GAS2L3: variants seen among roughly 807,000 people sequenced by gnomAD.
GAS2L3 encodes GAS2-like protein 3.
Under a neutral mutation model 37.0 loss-of-function variants are expected in GAS2L3, and 28 were observed. That is an observed-to-expected ratio of 0.76 (90% CI 0.56 to 1.04). The LOEUF is 1.04. Among genes scored for constraint, GAS2L3 ranks in the 50% least tolerant of loss-of-function variants. GAS2L3 has a pLI of 0.00. For missense variants in GAS2L3, 793 were observed against 817.6 expected, an observed-to-expected ratio of 0.97 and a Z score of 0.37; for synonymous variants, 290 against 296.6, an observed-to-expected ratio of 0.98 and a Z score of 0.23.
At position 100,625,087 on chromosome 12, in the gene GAS2L3, T is replaced by C. The variant is rs1457246625; in HGVS notation, c.*197T>C. The C allele has an allele frequency of 8.5e-6, 4 of 471,192 alleles. No individual in the cohort carries two copies. In the Admixed American group the frequency reaches 1.1e-4, roughly 13 times the overall value. The allele number at this position is 471,192 out of a possible 1,614,324, so 29.2% of individuals were successfully genotyped here. On this transcript the variant is annotated 3_prime_UTR_variant, in exon 10 of 10. Coordinates refer to ENST00000547754, the MANE Select transcript of GAS2L3 (RefSeq NM_174942.3). ...GAAAGAGCCCTTCTGAAGCAAACAG[T>C]TGTAAAATCACTGCAAGGTTTTTAT...
chr12:100,578,935 G>A (rs1427078103), intron 1 of GAS2L3: 5 of 916,548 alleles, frequency 5.5e-6, no homozygotes, highest in Non-Finnish European at 8.9e-6. Flanking sequence ...TTGGAAGAGG[G>A]GATAAGGTTA....
At chr12:100,593,643 C>T (rs1955873587) in intron 2 of GAS2L3, 1 of 152,072 alleles carries the variant, frequency 6.6e-6, no homozygotes, top group East Asian at 1.9e-4. Context: ...TTAATAGGAG[C>T]AGCTTCTTTG....
At chr12:100,595,022 C>A in intron 3 of GAS2L3, 100 bp downstream of exon 3, 1 of 509,714 alleles carries the variant, frequency 2.0e-6, no homozygotes, top group South Asian at 4.0e-5. Flanking sequence ...TCTTATTGTG[C>A]TAGTTTTTTT....
intron 2 of GAS2L3, chr12:100,593,898 T>C (rs1955877749): frequency 6.6e-6 from 1 of 152,052 alleles, no homozygotes; most frequent in African/African-American, 2.4e-5. Flanking sequence ...AAATGTGTTA[T>C]AATATTAGGC....
At chr12:100,583,767 C>T (rs1955743730) in intron 1 of GAS2L3, among the ~76,000 whole-genome samples, 1 of 152,140 alleles carries the variant, frequency 6.6e-6, no homozygotes, top group Admixed American at 6.6e-5. Flanking sequence ...CCGCACCCAG[C>T]CGTCATTTTT....
intron 5 of GAS2L3, among the ~76,000 whole-genome samples, chr12:100,602,950 C>T (rs191929512): frequency 2.0e-5 from 3 of 152,222 alleles, no homozygotes; most frequent in African/African-American, 4.8e-5. Flanking sequence ...CCAGTTCCAT[C>T]CATGTTGTTG....
rs114680586 is a variant in GAS2L3 at position 100,600,303 on chromosome 12, A to G, written c.19-79A>G. ...TATTATGTATGATTTATGCTTCATC[A>G]TTTAAATATTGATGTGGATTATGAT... is the stretch of plus-strand genomic sequence containing the variant. On this transcript the variant is annotated intron_variant, in intron 3 of 9. Coordinates refer to ENST00000547754, the MANE Select transcript of GAS2L3 (RefSeq NM_174942.3). 214 of 885,872 alleles carry G rather than the reference A, an allele frequency of 2.4e-4. No homozygotes were observed. In the African/African-American group the frequency reaches 2.7e-3, roughly 11 times the overall value. 54.9% of individuals were successfully genotyped at this position (885,872 alleles called of 1,614,324 possible).
In GAS2L3 at chr12:100,612,098, C is replaced by T; in HGVS notation, c.402C>T (p.Asp134=). ...CAAACTTCCTTCACTGGTGTAGGGA[C>T]ATTGGGGTTGATGAAACTTACCTCT... ...NTANFLHWCR[D]IGVDETYLFE... is the part of the protein sequence containing the mutation. The change falls in exon 6 of 10, where the codon GAC becomes GAT. Residue 134 remains aspartate (D), a synonymous_variant. Coordinates refer to ENST00000547754, the MANE Select transcript of GAS2L3 (RefSeq NM_174942.3). The T allele has an allele frequency of 6.2e-7, 1 of 1,611,658 alleles. No homozygotes were observed. The highest frequency in any genetic ancestry group is 8.5e-7 in the Non-Finnish European group (1 of 1,177,944).
intron 1 of GAS2L3, among the ~76,000 whole-genome samples, chr12:100,583,075 G>T (rs142465596): frequency 6.6e-6 from 1 of 152,280 alleles, no homozygotes; most frequent in East Asian, 1.9e-4. Context: ...TCTCATGCAA[G>T]AAAGAATTCG....
intron 1 of GAS2L3, chr12:100,574,041 A>C (rs1003215093): frequency 2.6e-5 from 4 of 152,192 alleles, no homozygotes; most frequent in Non-Finnish European, 5.9e-5. Context: ...CCAAGTGCGG[A>C]GAGAGGGGCG....
intron 5 of GAS2L3, among the ~76,000 whole-genome samples, chr12:100,604,453 A>G (rs1365780696): frequency 7.1e-6 from 1 of 141,078 alleles, no homozygotes; most frequent in East Asian, 2.1e-4. Flanking sequence ...ACTTTACTGA[A>G]TTTGTTTATC....
At chr12:100,594,650 T>C (rs1180059640) in intron 2 of GAS2L3, 2 of 253,156 alleles carry the variant, frequency 7.9e-6, no homozygotes, top group Non-Finnish European at 1.6e-5. Flanking sequence ...AAAATACATA[T>C]TATATTAAAG....
chr12:100,600,933 G>T (rs1202302338), intron 4 of GAS2L3, among the ~76,000 whole-genome samples: 1 of 151,876 alleles, frequency 6.6e-6, no homozygotes, highest in Admixed American at 6.6e-5. Context: ...AACATATACT[G>T]TAGGTTAAAT....
rs999070860 is a variant in GAS2L3 at position 100,627,946 on chromosome 12, T to G, written c.*3056T>G. 2 of 152,226 alleles carry G rather than the reference T, an allele frequency of 1.3e-5. No individual in the cohort carries two copies. Among genetic ancestry groups the G allele is most frequent in the East Asian group, 3.8e-4 (2 of 5,196 alleles). 9.4% of individuals were successfully genotyped at this position (152,226 alleles called of 1,614,324 possible). ...AAATGCCGATTATTTTTACCTTGTT[T>G]GGGCTTAAAGTAGGTATTTAAGGTT... is the stretch of plus-strand genomic sequence containing the variant. On this transcript the variant is annotated 3_prime_UTR_variant, in exon 10 of 10. Coordinates refer to ENST00000547754, the MANE Select transcript of GAS2L3 (RefSeq NM_174942.3).
rs967260390 is a variant in GAS2L3 at position 100,578,842 on chromosome 12, T to C, written c.-152+5057T>C. ...TTTACACACGTAGAACCCATACCCA[T>C]AATATATGTATGGCATCTGACTTTT... On this transcript the variant is annotated intron_variant, in intron 1 of 9. Transcript: ENST00000547754. 4.2e-6 allele frequency: 3 copies of C among 712,244 alleles called. No individual in the cohort carries two copies. The South Asian group carries it at 4.4e-5, about 11-fold the overall frequency. 44.1% of individuals were successfully genotyped at this position (712,244 alleles called of 1,614,324 possible).
intron 3 of GAS2L3, among the ~76,000 whole-genome samples, chr12:100,600,025 C>G (rs952789879): frequency 6.6e-6 from 1 of 152,072 alleles, no homozygotes; most frequent in Non-Finnish European, 1.5e-5. Context: ...AGTTCAAGAC[C>G]AGCCTGGGCA....
intron 6 of GAS2L3, 61 bp from the exon 7 acceptor site, chr12:100,617,683 C>T: frequency 4.0e-6 from 4 of 1,003,422 alleles, no homozygotes; most frequent in Non-Finnish European, 1.6e-6. Context: ...TTCTTCCATG[C>T]CAGAAATATG....
rs763237768 is a variant in GAS2L3, at chr12:100,624,009, GCAT to G, written c.1209_1211del (p.Ser405del). The G allele has an allele frequency of 1.4e-4, 225 of 1,613,908 alleles. 1 individual carries two copies. The Admixed American group carries it at 3.7e-3, about 26-fold the overall frequency. ...GAAACCGCAGGCTCCTTCAAACAAT[GCAT>G]CATCTTCACTTGCTTCATTAAATCC... On this transcript the variant is annotated inframe_deletion, in exon 10 of 10. Coordinates refer to ENST00000547754, the MANE Select transcript of GAS2L3 (RefSeq NM_174942.3).
intron 5 of GAS2L3, among the ~76,000 whole-genome samples, chr12:100,602,827 C>T (rs979239126): frequency 6.6e-6 from 1 of 152,106 alleles, no homozygotes; most frequent in Non-Finnish European, 1.5e-5. Flanking sequence ...GCTAACCGTC[C>T]TTCTACTATC....
Sources: gnomAD v4.1 joint callset for allele counts (sites outside exome capture counted in the v4.1 genomes callset) on GRCh38, gnomAD v4.1.1 for gene constraint, MANE v1.5 for transcripts, NCBI Gene and HGNC (gene_info 2026-07-23, HGNC 2026-07-21) for gene names.